EML3: variants seen among roughly 807,000 people sequenced by gnomAD.
EML3 encodes the protein echinoderm microtubule-associated protein-like 3.
In EML3, 53 loss-of-function variants were observed where a neutral mutation model predicts 106.7. That is an observed-to-expected ratio of 0.50 (90% CI 0.40 to 0.62). The LOEUF (loss-of-function observed/expected upper bound fraction) is 0.62, where lower values mean the gene tolerates loss of function less well. Ranked by LOEUF, EML3 falls within the 20% of genes least tolerant of loss-of-function variation. EML3 has a pLI of 0.00. For missense variants in EML3, 994 were observed against 1,209.1 expected (o/e 0.82, Z 2.64); for synonymous variants, 499 against 489.6 (o/e 1.02, Z -0.25).
Position 62,612,718 on chromosome 11 carries a change from G to A in EML3, c.-261C>T. On this transcript the variant is annotated 5_prime_UTR_variant, in exon 1 of 22. The change creates a new upstream start codon in the 5' untranslated region. Transcript: ENST00000394773. Reference sequence around the variant, plus strand: ...CTCCCGGGGGTGGGGTGGCAGGGCCGTCCGGTGCCACAGCGCCGCAGCACA... The same window carrying A: ...CTCCCGGGGGTGGGGTGGCAGGGCCATCCGGTGCCACAGCGCCGCAGCACA... The A allele has an allele frequency of 2.8e-6, 1 of 361,064 alleles. No homozygotes were observed. Among genetic ancestry groups the A allele is most frequent in the Non-Finnish European group, 4.9e-6 (1 of 203,226 alleles). The allele number at this position is 361,064 out of a possible 1,614,324, so 22.4% of individuals were successfully genotyped here.
At chr11:62,611,773 T>C in intron 1 of EML3, 177 bp from the exon 2 acceptor site, 1 of 703,600 alleles carries the variant, frequency 1.4e-6, no homozygotes, top group Non-Finnish European at 2.3e-6. Flanking sequence ...AGGGCCTCCT[T>C]CTGGCAGGGC....
intron 11 of EML3, chr11:62,607,404 C>T (rs1036159165): frequency 9.5e-5 from 44 of 462,458 alleles, no homozygotes; most frequent in Admixed American, 1.1e-4. Context: ...AATCAGCCGG[C>T]GCGCATCTGT....
intron 5 of EML3, 58 bp downstream of exon 5, chr11:62,609,571 T>C: frequency 5.1e-6 from 8 of 1,569,688 alleles, no homozygotes; most frequent in Non-Finnish European, 6.9e-6. Context: ...CTCCTGGGGC[T>C]ACAGCCCAAA....
chr11:62,608,845 A>G (rs1422287355), intron 7 of EML3, 40 bp from the exon 8 acceptor site: 2 of 1,567,106 alleles, frequency 1.3e-6, no homozygotes, highest in Admixed American at 3.5e-5. Flanking sequence ...AGGGTCTCTC[A>G]AGACCATCCA....
Position 62,602,402 on chromosome 11 carries a change from G to A in EML3, c.*73C>T, listed in dbSNP as rs1237377625. On this transcript the variant is annotated 3_prime_UTR_variant, in exon 22 of 22. Coordinates refer to ENST00000394773, the MANE Select transcript of EML3 (RefSeq NM_153265.3). ...AGGAAAGAGTCGGCCCCTAGTCGTG[G>A]GGGATTGGGCCAGGGAAGGGCAGGG... 6 of 1,547,948 alleles carry A rather than the reference G, an allele frequency of 3.9e-6. No individual in the cohort carries two copies. Among genetic ancestry groups the A allele is most frequent in the East Asian group, 4.9e-5 (2 of 40,892 alleles).
At position 62,604,113 on chromosome 11, in the gene EML3, C is replaced by T; in HGVS notation, c.2071G>A (p.Asp691Asn). The T allele has an allele frequency of 6.2e-7, 1 of 1,614,054 alleles. No homozygotes were observed. The highest frequency in any genetic ancestry group is 8.5e-7 in the Non-Finnish European group (1 of 1,180,024). The part of the protein sequence containing the change: ...EQLSVVRYSP[D>N]GLYLAIGSHD... ...AGTCCAGGGTTGGGGTGGCTCCCAC[C>T]TGGGCTGTACCGGACCACTGAGAGC... Residue 691 changes from aspartate (D) to asparagine (N), a missense_variant and splice_region_variant, in exon 17 of 22, where the codon GAT (aspartate) becomes AAT (asparagine). This residue lies in a region of EML3 where 713 missense variants were observed against 920.5 expected (regional missense o/e 0.77). Transcript: ENST00000394773.
In EML3 at chr11:62,605,817, C is replaced by T; in HGVS notation, c.1782+38G>A. The T allele has an allele frequency of 6.2e-7, 1 of 1,611,332 alleles. No individual in the cohort carries two copies. Among genetic ancestry groups the T allele is most frequent in the Non-Finnish European group, 8.5e-7 (1 of 1,178,472 alleles). ...GTCACTCCTGCCCCTCTCTCACACC[C>T]CTTTGTCCCTTCCTCCCCTGAGCCC... On this transcript the variant is annotated intron_variant, in intron 14 of 21. Coordinates refer to ENST00000394773, the MANE Select transcript of EML3 (RefSeq NM_153265.3). This position sits in a 1 kb window ranked among gnomAD's most constrained non-coding sequence, Gnocchi z 5.2.
In EML3 at chr11:62,606,046, C is replaced by T. The variant is rs1394413771; in HGVS notation, c.1656+17G>A. Reference sequence around the variant, plus strand: ...TGCTCTTCTCCCTCACTCCCTTGACCCCAGCCCAGCCCTCACCTCAGCCTC... The same window carrying T: ...TGCTCTTCTCCCTCACTCCCTTGACTCCAGCCCAGCCCTCACCTCAGCCTC... On this transcript the variant is annotated intron_variant, in intron 13 of 21. Transcript: ENST00000394773. 2 of 1,613,640 alleles carry T rather than the reference C, an allele frequency of 1.2e-6. No individual in the cohort carries two copies. The highest frequency in any genetic ancestry group is 8.5e-7 in the Non-Finnish European group (1 of 1,179,838).
intron 1 of EML3, 97 bp downstream of exon 1, chr11:62,612,339 C>T (rs1942872803): frequency 2.4e-6 from 3 of 1,272,038 alleles, no homozygotes; most frequent in South Asian, 1.3e-5. Flanking sequence ...CGGAGGAGCA[C>T]GCGGGGACGC....
At position 62,605,276 on chromosome 11, in the gene EML3, C is replaced by A; in HGVS notation, c.1915-96G>T. 7.8e-7 allele frequency: 1 copy of A among 1,286,434 alleles called. No individual in the cohort carries two copies. Among genetic ancestry groups the A allele is most frequent in the Non-Finnish European group, 1.1e-6 (1 of 929,016 alleles). 79.7% of individuals were successfully genotyped at this position (1,286,434 alleles called of 1,614,324 possible). A position where few individuals can be genotyped will look rare whatever the true frequency, so the allele number is the denominator to read the frequency against. On this transcript the variant is annotated intron_variant, in intron 15 of 21. Transcript: ENST00000394773. The surrounding 1 kb of genome is among the most constrained non-coding windows in gnomAD (Gnocchi z 5.2). Reference sequence around the variant, plus strand: ...CTCCTAACTTCAAAGCCACTTACTCCCAAGGAGAAGATGGGAAGAGAGGGA... The same window carrying A: ...CTCCTAACTTCAAAGCCACTTACTCACAAGGAGAAGATGGGAAGAGAGGGA...
At position 62,607,664 on chromosome 11, in the gene EML3, A is replaced by C; in HGVS notation, c.1362+2T>G. 6.2e-7 allele frequency: 1 copy of C among 1,611,874 alleles called. No individual in the cohort carries two copies. Among genetic ancestry groups the C allele is most frequent in the Non-Finnish European group, 8.5e-7 (1 of 1,179,164 alleles). ...ATCACCTTCCACTTATCCATGCCTC[A>C]CCCCAAAGACACCCTGTTTCCGGGT... is the stretch of plus-strand genomic sequence containing the variant. On this transcript the variant is annotated splice_donor_variant, in intron 11 of 21. Coordinates refer to ENST00000394773, the MANE Select transcript of EML3 (RefSeq NM_153265.3). LOFTEE classifies it high-confidence loss of function.
Position 62,605,579 on chromosome 11 carries a change from G to T in EML3, c.1914+63C>A. On this transcript the variant is annotated intron_variant, in intron 15 of 21. Coordinates refer to ENST00000394773, the MANE Select transcript of EML3 (RefSeq NM_153265.3). The surrounding 1 kb of genome is among the most constrained non-coding windows in gnomAD (Gnocchi z 5.2). ...GGCAGAAGGCAAGGTGCTGGGGAAG[G>T]CGTGGTGGCCACAGGTGTCCTGGTG... is the stretch of plus-strand genomic sequence containing the variant. 1 of 1,500,082 alleles carries T rather than the reference G, an allele frequency of 6.7e-7. No homozygotes were observed. Among genetic ancestry groups the T allele is most frequent in the Non-Finnish European group, 8.9e-7 (1 of 1,125,692 alleles). The allele number at this position is 1,500,082 out of a possible 1,614,324, so 92.9% of individuals were successfully genotyped here.
Position 62,607,826 on chromosome 11 carries a change from A to C in EML3, c.1207-5T>G, listed in dbSNP as rs1395490762. 1 of 1,612,392 alleles carries C rather than the reference A, an allele frequency of 6.2e-7. No homozygotes were observed. The highest frequency in any genetic ancestry group is 1.1e-5 in the South Asian group (1 of 91,016). On this transcript the variant is annotated splice_polypyrimidine_tract_variant and splice_region_variant and intron_variant, in intron 10 of 21. Transcript: ENST00000394773. ...CAGGACTGAGTCATTTGTACTCTGA[A>C]GGGAAGACACTAGATTCAGCCACCC...
chr11:62,611,473 G>C lies in EML3; in HGVS notation c.146C>G (p.Pro49Arg). Residue 49 changes from proline (P) to arginine (R), a missense_variant, in exon 2 of 22, where the codon CCC becomes CGC. By Grantham distance (103) the Pro-to-Arg change is moderately radical (BLOSUM62 -2). Transcript: ENST00000394773. Reference protein sequence around the residue: ...EALRLLRLQVPPSSLQGSGTP... With the variant: ...EALRLLRLQVRPSSLQGSGTP... ...GCCAGAGCCCTGCAGGGAGGAAGGG[G>C]GCACCTGCAGCCGCAGCAGGCGAAG... The C allele has an allele frequency of 6.2e-7, 1 of 1,613,824 alleles. No homozygotes were observed. Among genetic ancestry groups the C allele is most frequent in the Non-Finnish European group, 8.5e-7 (1 of 1,179,944 alleles).
chr11:62,607,450 T>C (rs1488231931), intron 11 of EML3: 3 of 505,518 alleles, frequency 5.9e-6, no homozygotes, highest in Non-Finnish European at 1.0e-5. Context: ...GGCAGGAGAA[T>C]TGCTCGAACC....
rs1942885589 is a variant in EML3 at position 62,612,511 on chromosome 11, G to A, written c.-54C>T. ...CGGCGGAGGAGGCGTCTAAGCCGCG[G>A]GGGCCACGGCCGGGGAGAGGGGAAG... On this transcript the variant is annotated 5_prime_UTR_variant, in exon 1 of 22. Transcript: ENST00000394773. 3 of 1,360,446 alleles carry A rather than the reference G, an allele frequency of 2.2e-6. No homozygotes were observed. Among genetic ancestry groups the A allele is most frequent in the African/African-American group, 3.1e-5 (2 of 65,018 alleles). 84.3% of individuals were successfully genotyped at this position (1,360,446 alleles called of 1,614,324 possible).
At chr11:62,609,210 G>A (rs1942687549) in intron 6 of EML3, 78 bp from the exon 7 acceptor site, 1 of 1,592,062 alleles carries the variant, frequency 6.3e-7, no homozygotes, top group Non-Finnish European at 8.6e-7. Flanking sequence ...CAGAGCTTCT[G>A]GCTGGCAGGG....
rs768714658 is a variant in EML3 at position 62,602,481 on chromosome 11, G to T, written c.2685C>A (p.Asp895Glu). ...CGGTCCCGCCAGGCAGCGATCAAAC[G>T]TCGAGGGAGGAGGCGGGGGACAGGG... is the stretch of plus-strand genomic sequence containing the variant. ...TPSLSPASSL[D>E]V The change falls in exon 22 of 22, where the codon GAC becomes GAA. Residue 895 changes from aspartate to glutamate, a missense_variant. This residue lies in a region of EML3 where 713 missense variants were observed against 920.5 expected (regional missense o/e 0.77). Transcript: ENST00000394773. 105 of 1,536,534 alleles carry T rather than the reference G, an allele frequency of 6.8e-5. 1 individual carries two copies. In the African/African-American group the frequency reaches 1.1e-3, roughly 16 times the overall value.
chr11:62,611,399 A>C (rs764263655), intron 2 of EML3, 26 bp downstream of exon 2: 3 of 1,613,696 alleles, frequency 1.9e-6, no homozygotes, highest in Non-Finnish European at 2.5e-6. Flanking sequence ...AGGAGGAGGA[A>C]AAATGGGGTG....
Sources: allele counts gnomAD v4.1 joint callset, GRCh38; gene constraint gnomAD v4.1.1; regional missense constraint gnomAD v4.1.1; non-coding constraint Gnocchi (gnomAD v3.1); transcripts MANE v1.5; gene names NCBI Gene and HGNC (gene_info 2026-07-23, HGNC 2026-07-21).